BCAR1: variants seen among roughly 807,000 people sequenced by gnomAD.
The protein encoded by BCAR1 is breast cancer anti-estrogen resistance protein 1.
In BCAR1, 30 loss-of-function variants were observed where a neutral mutation model predicts 67.6. That is an observed-to-expected ratio of 0.44 (90% CI 0.33 to 0.60). The LOEUF (loss-of-function observed/expected upper bound fraction) is 0.60. Ranked by LOEUF, BCAR1 falls within the 20% of genes least tolerant of loss-of-function variation. The pLI is 0.02. For synonymous variants in BCAR1, 626 were observed against 556.7 expected (o/e 1.12, Z -1.75); for missense variants, 1,313 against 1,222.3 (o/e 1.07, Z -1.11).
upstream of BCAR1, among the ~76,000 whole-genome samples, chr16:75,255,765 G>C (rs966553838): frequency 6.6e-6 from 1 of 152,102 alleles, no homozygotes; most frequent in Non-Finnish European, 1.5e-5. Flanking sequence ...GCCAAGGCGG[G>C]CAGATCATCT....
At position 75,241,828 on chromosome 16, in the gene BCAR1, G is replaced by A. The variant is rs573404237; in HGVS notation, c.633+642C>T. On this transcript the variant is annotated intron_variant, in intron 2 of 6. Coordinates refer to ENST00000162330, the MANE Select transcript of BCAR1 (RefSeq NM_014567.5). ...GGTGAGCTTGGGAGGCAGGGGCCCT[G>A]TGGACTTGGGAAGCGGGCTCAGGGT... Among the ~76,000 whole-genome samples, 3 of 152,118 alleles carry A rather than the reference G, an allele frequency of 2.0e-5. No individual in the cohort carries two copies. In the South Asian group the frequency reaches 6.2e-4, roughly 32 times the overall value.
In BCAR1 at chr16:75,236,060, C is replaced by CCACA. The variant is rs3833049; in HGVS notation, c.913-78_913-75dup. The CCACA allele has an allele frequency of 2.2e-3, 3,037 of 1,355,842 alleles. 2 individuals are homozygous for CCACA. Among genetic ancestry groups the CCACA allele is most frequent in the African/African-American group, 0.011 (737 of 68,380 alleles). The allele number at this position is 1,355,842 out of a possible 1,614,324, so 84.0% of individuals were successfully genotyped here. A position where few individuals can be genotyped will look rare whatever the true frequency, so the allele number is the denominator to read the frequency against. On this transcript the variant is annotated intron_variant, in intron 4 of 6. Transcript: ENST00000162330. The stretch of plus-strand genomic sequence containing the variant: ...CCCAGGGACTGGGGGCAGCACCCAG[C>CCACA]CACACACACACACACACGTACACAC...
chr16:75,253,145 C>G (rs932037235), upstream of BCAR1, among the ~76,000 whole-genome samples: 90 of 152,202 alleles, frequency 5.9e-4, no homozygotes, highest in African/African-American at 2.0e-3. Context: ...AGCCAGCCTT[C>G]AGGGAAGCTG....
intron 1 of BCAR1, among the ~76,000 whole-genome samples, chr16:75,256,626 A>G (rs1402424228): frequency 6.6e-6 from 1 of 152,138 alleles, no homozygotes; most frequent in East Asian, 1.9e-4. Flanking sequence ...AGGCAGCACA[A>G]CTTTCCAAAT....
intron 1 of BCAR1, chr16:75,249,627 G>A (rs891999818): frequency 2.6e-5 from 4 of 152,350 alleles, no homozygotes; most frequent in African/African-American, 9.6e-5. Context: ...CTGCTGGTTG[G>A]TTCTAGCTGA....
At chr16:75,254,718 C>T (rs1293304238), upstream of BCAR1, among the ~76,000 whole-genome samples, 3 of 152,194 alleles carry the variant, frequency 2.0e-5, no homozygotes, top group African/African-American at 7.2e-5. Context: ...CCCTCCCAGA[C>T]AGTTGTGTCA....
At chr16:75,233,372 CA>C (rs760726117) in intron 6 of BCAR1, among the ~76,000 whole-genome samples, 4,694 of 140,738 alleles carry the variant, frequency 0.033, 199 homozygotes, top group African/African-American at 0.1. Context: ...GATTCTGTGT[CA>C]AAAAAAAAAA....
Position 75,248,262 on chromosome 16 carries a change from C to T in BCAR1, c.12+3209G>A. 5 of 1,468,956 alleles carry T rather than the reference C, an allele frequency of 3.4e-6. No individual in the cohort carries two copies. In the South Asian group the frequency reaches 6.9e-5, roughly 20 times the overall value. The allele number at this position is 1,468,956 out of a possible 1,614,324, so 91.0% of individuals were successfully genotyped here. On this transcript the variant is annotated intron_variant, in intron 1 of 6. Coordinates refer to ENST00000162330, the MANE Select transcript of BCAR1 (RefSeq NM_014567.5). ...CTTTCCCACCCCTCCTGTCCACGCC[C>T]CCAACGCACACATGCACCCGCCCCA...
intron 1 of BCAR1, chr16:75,246,420 G>C (rs73605110): frequency 6.6e-6 from 1 of 152,246 alleles, no homozygotes; most frequent in Non-Finnish European, 1.5e-5. Context: ...CTTTCACGGG[G>C]AAGAAAGTGG....
intron 1 of BCAR1, among the ~76,000 whole-genome samples, chr16:75,245,414 G>A (rs550022430): frequency 3.3e-4 from 51 of 152,340 alleles, no homozygotes; most frequent in African/African-American, 1.2e-3. Context: ...CCTCCTAGGA[G>A]GGTGGCCCAG....
At chr16:75,250,839 C>A (rs2077659111) in intron 1 of BCAR1, 2 of 985,496 alleles carry the variant, frequency 2.0e-6, no homozygotes, top group Non-Finnish European at 2.4e-6. Context: ...GTGGCCAGGA[C>A]CCGGCTTCCA....
At chr16:75,238,558 G>T in intron 2 of BCAR1, 2 of 989,186 alleles carry the variant, frequency 2.0e-6, no homozygotes, top group Non-Finnish European at 2.4e-6. Context: ...GGTGGCAGAG[G>T]CGCCAGCACC....
rs764871357 is a variant in BCAR1 at position 75,235,446 on chromosome 16, C to T, written c.1453G>A (p.Gly485Ser). Residue 485 changes from glycine to serine, a missense_variant, in exon 5 of 7, where the codon GGT becomes AGT. Transcript: ENST00000162330. ...AHLLDLAGSA[G>S]ATGSWRSPSE... Reference sequence around the variant, plus strand: ...GGGCTACGCCAGCTCCCAGTCGCACCGGCGCTGCCTGCCAGGTCCAGAAGG... The same window carrying T: ...GGGCTACGCCAGCTCCCAGTCGCACTGGCGCTGCCTGCCAGGTCCAGAAGG... 2.8e-5 allele frequency: 45 copies of T among 1,607,490 alleles called. No individual in the cohort carries two copies. The highest frequency in any genetic ancestry group is 2.7e-4 in the Admixed American group (16 of 59,618).
chr16:75,249,028 C>CAG (rs1267648169), intron 1 of BCAR1: 1 of 152,650 alleles, frequency 6.6e-6, no homozygotes, highest in Non-Finnish European at 1.5e-5. Flanking sequence ...AGAGGCTGGG[C>CAG]AGAGGAGGTG....
At chr16:75,230,868 A>G (rs2076877834) in intron 6 of BCAR1, among the ~76,000 whole-genome samples, 1 of 152,186 alleles carries the variant, frequency 6.6e-6, no homozygotes, top group Non-Finnish European at 1.5e-5. Flanking sequence ...AGTGAGATAC[A>G]TACTCCGCTT....
rs2076776138 is a variant in BCAR1, at chr16:75,228,295, G to GT, written c.*1215dup. ...TGTCACGGGGACAACCTCTGTAGAG[G>GT]TAAGATCAGGAGGGCTTGCGAATCA... On this transcript the variant is annotated 3_prime_UTR_variant, in exon 7 of 7. Transcript: ENST00000162330. The GT allele has an allele frequency of 6.6e-6, 1 of 152,284 alleles. No homozygotes were observed. The highest frequency in any genetic ancestry group is 1.5e-5 in the Non-Finnish European group (1 of 68,104). The allele number at this position is 152,284 out of a possible 1,614,324, so 9.4% of individuals were successfully genotyped here.
chr16:75,265,961 C>G, intron 1 of BCAR1: 2 of 1,071,712 alleles, frequency 1.9e-6, no homozygotes, highest in Non-Finnish European at 2.3e-6. Flanking sequence ...GGCTCCTGAG[C>G]GTTCCCGGAC....
intron 1 of BCAR1, chr16:75,248,495 C>A (rs988187166): frequency 2.8e-6 from 1 of 358,216 alleles, no homozygotes; most frequent in Non-Finnish European, 4.3e-6. Context: ...CTGATCACCC[C>A]ACTTGGTCCT....
intron 1 of BCAR1, chr16:75,266,465 C>A (rs1180102379): frequency 6.1e-6 from 2 of 329,734 alleles, no homozygotes; most frequent in Non-Finnish European, 1.1e-5. Context: ...CTGTAACCCC[C>A]ACTCCTGGGC....
Sources: gnomAD v4.1 joint callset for allele counts (sites outside exome capture counted in the v4.1 genomes callset) on GRCh38, gnomAD v4.1.1 for gene constraint, MANE v1.5 for transcripts, NCBI Gene and HGNC (gene_info 2026-07-23, HGNC 2026-07-21) for gene names.